VAV1: variants seen among roughly 807,000 people sequenced by gnomAD.
The protein encoded by VAV1 is proto-oncogene vav.
VAV1 carries 33 observed loss-of-function variants against 128.1 expected under a neutral mutation model. The ratio of observed to expected loss-of-function variants is 0.26; its 90% CI spans 0.20 to 0.34. The LOEUF is 0.34. VAV1 is among the 10% of genes least tolerant of loss of function. The pLI is 1.00. For synonymous variants in VAV1, 394 were observed against 409.8 expected, an observed-to-expected ratio of 0.96 and a Z score of 0.47; for missense variants, 715 against 1,093.7, an observed-to-expected ratio of 0.65 and a Z score of 4.88.
chr19:6,829,865 C>T lies in VAV1; in HGVS notation c.1345C>T (p.Leu449=), dbSNP rs1325752449. 1 of 1,614,172 alleles carries T rather than the reference C, an allele frequency of 6.2e-7. No homozygotes were observed. Residue 449 remains leucine (L), a synonymous_variant, in exon 14 of 27, where the codon CTG becomes TTG. Coordinates refer to ENST00000602142, the MANE Select transcript of VAV1 (RefSeq NM_005428.4). The part of the protein sequence containing the change: ...DSYDLKDFVN[L]HSFQVRDDSS... ...CTATGACCTCAAGGACTTTGTAAACCTGCACAGCTTCCAGGTTCGGGATGA... is the reference window on the plus strand; with the variant it reads ...CTATGACCTCAAGGACTTTGTAAACTTGCACAGCTTCCAGGTTCGGGATGA...
intron 23 of VAV1, among the ~76,000 whole-genome samples, chr19:6,849,793 A>C (rs971506792): frequency 6.6e-6 from 1 of 152,152 alleles, no homozygotes; most frequent in Non-Finnish European, 1.5e-5. Context: ...ATAGTAGTCC[A>C]TAGTGTGTGT....
chr19:6,822,389 C>T lies in VAV1; in HGVS notation c.559-30C>T, dbSNP rs778776855. The stretch of plus-strand genomic sequence containing the variant: ...GTGGGCGGGGGGCAGCCCCAGGCCC[C>T]CCAACACCGGCCTCTCCCCTCGCTC... On this transcript the variant is annotated intron_variant, in intron 5 of 26. Coordinates refer to ENST00000602142, the MANE Select transcript of VAV1 (RefSeq NM_005428.4). The surrounding 1 kb of genome is among the most constrained non-coding windows in gnomAD (Gnocchi z 5.9). 27 of 1,553,586 alleles carry T rather than the reference C, an allele frequency of 1.7e-5. No individual in the cohort carries two copies. Among genetic ancestry groups the T allele is most frequent in the Non-Finnish European group, 2.3e-5 (27 of 1,149,856 alleles).
chr19:6,830,121 C>T (rs1972019499), intron 14 of VAV1, among the ~76,000 whole-genome samples: 4 of 152,208 alleles, frequency 2.6e-5, no homozygotes, highest in African/African-American at 9.7e-5. Flanking sequence ...TGCAGTGGCA[C>T]AATCTCGGCT....
chr19:6,850,178 T>A (rs797014688), intron 23 of VAV1, among the ~76,000 whole-genome samples: 19 of 149,966 alleles, frequency 1.3e-4, no homozygotes, highest in African/African-American at 4.7e-4. Flanking sequence ...TTCTCAACAT[T>A]TCTAGTGTTT....
rs71177123 is a variant in VAV1 at position 6,844,063 on chromosome 19, C to CTTTTTTT, written c.2012+932_2012+938dup. On this transcript the variant is annotated intron_variant, in intron 22 of 26. Coordinates refer to ENST00000602142, the MANE Select transcript of VAV1 (RefSeq NM_005428.4). ...ACTTTCTTCTTTTCTTCTTCTTCTT[C>CTTTTTTT]TTTTTTTTTTTTTTTTTTTTTTTTT... Among the ~76,000 whole-genome samples, 72 of 21,322 alleles carry CTTTTTTT rather than the reference C, an allele frequency of 3.4e-3. 24 individuals carry two copies. Among genetic ancestry groups the CTTTTTTT allele is most frequent in the East Asian group, 9.0e-3 (4 of 446 alleles). The allele number at this position is 21,322 out of a possible 152,430, so 14.0% of individuals were successfully genotyped here. A position where few individuals can be genotyped will look rare whatever the true frequency, so the allele number is the denominator to read the frequency against.
intron 26 of VAV1, among the ~76,000 whole-genome samples, chr19:6,856,100 G>C (rs573104694): frequency 2.6e-5 from 4 of 152,116 alleles, no homozygotes; most frequent in Non-Finnish European, 4.4e-5. Flanking sequence ...TTTGAGACCC[G>C]CCTGGCCAAC....
At chr19:6,797,740 G>A (rs551803666) in intron 1 of VAV1, among the ~76,000 whole-genome samples, 121 of 125,626 alleles carry the variant, frequency 9.6e-4, no homozygotes, top group African/African-American at 4.0e-3. Context: ...GTGAAACTCC[G>A]TCTAAAAAAA....
At position 6,828,646 on chromosome 19, in the gene VAV1, G is replaced by T. The variant is rs1971977609; in HGVS notation, c.1117G>T (p.Val373Phe). 6.2e-7 allele frequency: 1 copy of T among 1,614,032 alleles called. No homozygotes were observed. Among genetic ancestry groups the T allele is most frequent in the Non-Finnish European group, 8.5e-7 (1 of 1,180,038 alleles). Residue 373 changes from valine to phenylalanine, a missense_variant, in exon 12 of 27, where the codon GTC becomes TTC. Physicochemically the swap from Val to Phe is conservative, Grantham distance 50 (BLOSUM62 -1). Coordinates refer to ENST00000602142, the MANE Select transcript of VAV1 (RefSeq NM_005428.4). This position sits in a 1 kb window ranked among gnomAD's most constrained non-coding sequence, Gnocchi z 4.5. Reference protein sequence around the residue: ...MRDLAQCVNEVKRDNETLRQI... With the variant: ...MRDLAQCVNEFKRDNETLRQI... ...GGACCTGGCTCAGTGCGTGAACGAG[G>T]TCAAGCGAGACAACGAGACACTGCG...
intron 1 of VAV1, among the ~76,000 whole-genome samples, chr19:6,787,393 C>G (rs895731536): frequency 6.6e-5 from 10 of 152,016 alleles, no homozygotes; most frequent in African/African-American, 9.7e-5. Context: ...CAAGGCTGGT[C>G]TTGAACTCCT....
Position 6,826,931 on chromosome 19 carries a change from T to C in VAV1, c.927+220T>C. On this transcript the variant is annotated intron_variant, in intron 9 of 26. Transcript: ENST00000602142. This position sits in a 1 kb window ranked among gnomAD's most constrained non-coding sequence, Gnocchi z 4.1. ...TCTGGGCTGACCCCTGATATCAGGG[T>C]GAAGTCCTGACCCTGAACTGAGCTC... The C allele has an allele frequency of 1.7e-6, 1 of 580,646 alleles. No individual in the cohort carries two copies. The highest frequency in any genetic ancestry group is 3.1e-6 in the Non-Finnish European group (1 of 323,392). 36.0% of individuals were successfully genotyped at this position (580,646 alleles called of 1,614,324 possible).
chr19:6,776,155 T>G (rs978940408), intron 1 of VAV1, among the ~76,000 whole-genome samples: 3 of 54,630 alleles, frequency 5.5e-5, no homozygotes, highest in African/African-American at 1.9e-4. Context: ...TGCTCATCTA[T>G]CCACCCATCC....
At position 6,822,657 on chromosome 19, in the gene VAV1, G is replaced by A. The variant is rs1393662767; in HGVS notation, c.654+143G>A. ...CCTTTCTGTGACTGTCTCCGTCTCT[G>A]AGTTTCTCTGACTTACATATGTATA... On this transcript the variant is annotated intron_variant, in intron 6 of 26. Transcript: ENST00000602142. This position sits in a 1 kb window ranked among gnomAD's most constrained non-coding sequence, Gnocchi z 5.9. 1 of 630,478 alleles carries A rather than the reference G, an allele frequency of 1.6e-6. No individual in the cohort carries two copies. Among genetic ancestry groups the A allele is most frequent in the African/African-American group, 1.9e-5 (1 of 53,956 alleles). The allele number at this position is 630,478 out of a possible 1,614,324, so 39.1% of individuals were successfully genotyped here.
In VAV1 at chr19:6,828,446, A is replaced by T. The variant is rs1410716733; in HGVS notation, c.1051A>T (p.Met351Leu). 7 of 1,613,994 alleles carry T rather than the reference A, an allele frequency of 4.3e-6. No individual in the cohort carries two copies. Among genetic ancestry groups the T allele is most frequent in the South Asian group, 3.3e-5 (3 of 91,074 alleles). ...QELVKHTQEAMEKENLRLALD... is the reference protein window; with the variant it reads ...QELVKHTQEALEKENLRLALD... ...GCTGGTGAAACACACGCAGGAGGCGATGGAGAAGGAGAACCTGCGGCTGGC... is the reference window on the plus strand; with the variant it reads ...GCTGGTGAAACACACGCAGGAGGCGTTGGAGAAGGAGAACCTGCGGCTGGC... Residue 351 changes from methionine (M) to leucine (L), a missense_variant, in exon 11 of 27, where the codon ATG (methionine) becomes TTG (leucine). Physicochemically the swap from Met to Leu is conservative, Grantham distance 15. Around this residue, in one of 3 missense-constraint regions of VAV1, gnomAD observed 302 missense variants for 477.8 expected, o/e 0.63. Transcript: ENST00000602142. The surrounding 1 kb of genome is among the most constrained non-coding windows in gnomAD (Gnocchi z 4.5).
intron 21 of VAV1, among the ~76,000 whole-genome samples, chr19:6,840,378 T>G (rs1399863975): frequency 2.0e-5 from 3 of 150,696 alleles, no homozygotes; most frequent in African/African-American, 7.3e-5. Context: ...CAATCTTGGC[T>G]CACTGCAAGC....
intron 1 of VAV1, among the ~76,000 whole-genome samples, chr19:6,795,432 T>G (rs1447752621): frequency 6.6e-6 from 1 of 152,106 alleles, no homozygotes; most frequent in Admixed American, 6.6e-5. Flanking sequence ...GAGACAGTTG[T>G]AATGCACACG....
chr19:6,821,224 A>G (rs1397981084), intron 2 of VAV1, among the ~76,000 whole-genome samples: 1 of 152,024 alleles, frequency 6.6e-6, no homozygotes, highest in Non-Finnish European at 1.5e-5. Context: ...ACACAGTGAA[A>G]CCCCGTCTCT....
chr19:6,800,347 T>C (rs193104856), intron 1 of VAV1, among the ~76,000 whole-genome samples: 7 of 151,778 alleles, frequency 4.6e-5, no homozygotes, highest in African/African-American at 1.4e-4. Flanking sequence ...TCTTGCTCTG[T>C]TGCCCAGGCT....
chr19:6,778,651 C>T (rs924071582), intron 1 of VAV1, among the ~76,000 whole-genome samples: 19 of 152,170 alleles, frequency 1.2e-4, no homozygotes, highest in Non-Finnish European at 1.5e-5. Flanking sequence ...GGGAGGATCA[C>T]TTAAGCCTGG....
At chr19:6,834,661 A>G (rs1046412714) in intron 19 of VAV1, among the ~76,000 whole-genome samples, 1 of 146,536 alleles carries the variant, frequency 6.8e-6, no homozygotes, top group African/African-American at 2.5e-5. Flanking sequence ...ATAATATATA[A>G]AATATATATT....
Sources: allele counts gnomAD v4.1 joint callset (sites outside exome capture counted in the v4.1 genomes callset), GRCh38; gene constraint gnomAD v4.1.1; regional missense constraint gnomAD v4.1.1; non-coding constraint Gnocchi (gnomAD v3.1); transcripts MANE v1.5; gene names NCBI Gene and HGNC (gene_info 2026-07-23, HGNC 2026-07-21).